GALNT10: variants seen among roughly 807,000 people sequenced by gnomAD.
GALNT10 encodes the protein GalNAc transferase 10.
GALNT10 carries 41 observed loss-of-function variants against 75.0 expected under a neutral mutation model. That is an observed-to-expected ratio of 0.55 (90% confidence interval 0.43 to 0.71). The LOEUF (loss-of-function observed/expected upper bound fraction) is 0.71. Ranked by LOEUF, GALNT10 falls within the 30% of genes least tolerant of loss-of-function variation. The pLI is 0.00. For missense variants in GALNT10, 727 were observed against 818.5 expected, an observed-to-expected ratio of 0.89 and a Z score of 1.36; for synonymous variants, 302 against 313.0, an observed-to-expected ratio of 0.96 and a Z score of 0.37.
chr5:154,260,813 A>G (rs1191903311), intron 1 of GALNT10, among the ~76,000 whole-genome samples: 2 of 152,214 alleles, frequency 1.3e-5, no homozygotes, highest in Admixed American at 6.5e-5. Flanking sequence ...ACGTGAGTCA[A>G]TGCAGCCTCA....
intron 3 of GALNT10, among the ~76,000 whole-genome samples, chr5:154,322,639 T>C (rs1362491519): frequency 6.6e-6 from 1 of 152,194 alleles, no homozygotes; most frequent in Admixed American, 6.5e-5. Context: ...AGGTGGGCAG[T>C]TGTTCTTTCT....
chr5:154,408,838 G>GA (rs1756336551), intron 8 of GALNT10, among the ~76,000 whole-genome samples: 1 of 152,128 alleles, frequency 6.6e-6, no homozygotes, highest in African/African-American at 2.4e-5. Context: ...GCTTAGCGAA[G>GA]AAAGAATATA....
chr5:154,369,489 C>T (rs535485384), intron 4 of GALNT10, among the ~76,000 whole-genome samples: 3 of 152,196 alleles, frequency 2.0e-5, no homozygotes, highest in South Asian at 2.1e-4. Context: ...CAAATCTTGA[C>T]GATGATAAAG....
At chr5:154,212,248 GAC>G (rs1752768537) in intron 1 of GALNT10, among the ~76,000 whole-genome samples, 1 of 152,242 alleles carries the variant, frequency 6.6e-6, no homozygotes, top group African/African-American at 2.4e-5. Flanking sequence ...GGAAGGAACT[GAC>G]ACTGCCTTCA....
chr5:154,304,823 G>T (rs79681204), intron 3 of GALNT10, among the ~76,000 whole-genome samples: 13 of 152,258 alleles, frequency 8.5e-5, no homozygotes, highest in South Asian at 4.2e-4. Flanking sequence ...CTCATAGTAC[G>T]TATGAAGTAT....
intron 2 of GALNT10, among the ~76,000 whole-genome samples, chr5:154,297,727 G>A (rs919410420): frequency 6.6e-6 from 1 of 152,200 alleles, no homozygotes; most frequent in South Asian, 2.1e-4. Flanking sequence ...ACCCCGCAGA[G>A]CTGCTGTGAT....
At chr5:154,267,849 C>T (rs1366927785) in intron 1 of GALNT10, among the ~76,000 whole-genome samples, 1 of 152,092 alleles carries the variant, frequency 6.6e-6, no homozygotes, top group South Asian at 2.1e-4. Context: ...TGGGTATTTT[C>T]CTGCCTCCTC....
At chr5:154,347,396 C>T (rs1755145038) in intron 4 of GALNT10, 2 of 308,670 alleles carry the variant, frequency 6.5e-6, no homozygotes, top group Non-Finnish European at 1.2e-5. Context: ...CAGGATCTTG[C>T]TCTGTCATTC....
intron 1 of GALNT10, among the ~76,000 whole-genome samples, chr5:154,229,785 C>T (rs1340882844): frequency 6.6e-6 from 1 of 152,016 alleles, no homozygotes; most frequent in Non-Finnish European, 1.5e-5. Flanking sequence ...GACAGTCTTA[C>T]TCCTTCCGTA....
intron 1 of GALNT10, among the ~76,000 whole-genome samples, chr5:154,215,964 G>A (rs988025516): frequency 2.0e-5 from 3 of 152,166 alleles, no homozygotes; most frequent in African/African-American, 7.2e-5. Flanking sequence ...TATTTGAAAA[G>A]GTAGAGTTTG....
At chr5:154,210,385 TACACACACACACAC>T (rs35928766) in intron 1 of GALNT10, among the ~76,000 whole-genome samples, 1 of 148,878 alleles carries the variant, frequency 6.7e-6, no homozygotes, top group African/African-American at 2.5e-5. Flanking sequence ...CACACATGCA[TACACACACACACAC>T]ACACACACAC....
At chr5:154,354,530 T>C (rs1271127954) in intron 4 of GALNT10, among the ~76,000 whole-genome samples, 1 of 152,162 alleles carries the variant, frequency 6.6e-6, no homozygotes, top group African/African-American at 2.4e-5. Context: ...TGCTTCCCAT[T>C]GGTCATAGTC....
At chr5:154,356,304 A>T in intron 4 of GALNT10, 1 of 432,970 alleles carries the variant, frequency 2.3e-6, no homozygotes, top group Non-Finnish European at 4.6e-6. Context: ...ATACATAGGG[A>T]ACTCTTAAAA....
At chr5:154,344,058 C>A (rs1755078989) in intron 4 of GALNT10, among the ~76,000 whole-genome samples, 1 of 152,132 alleles carries the variant, frequency 6.6e-6, no homozygotes, top group South Asian at 2.1e-4. Context: ...ATTCATATTA[C>A]ATTAGAATCA....
chr5:154,361,113 T>C (rs1755380026), intron 4 of GALNT10, among the ~76,000 whole-genome samples: 1 of 152,074 alleles, frequency 6.6e-6, no homozygotes, highest in Admixed American at 6.6e-5. Flanking sequence ...TTTTTTCCTA[T>C]CTAGAATGTC....
chr5:154,268,537 ACAT>A, intron 1 of GALNT10, among the ~76,000 whole-genome samples: 1 of 152,338 alleles, frequency 6.6e-6, no homozygotes, highest in East Asian at 1.9e-4. Flanking sequence ...AACAGTGTGC[ACAT>A]CTGAGTAACA....
intron 1 of GALNT10, among the ~76,000 whole-genome samples, chr5:154,226,723 G>A (rs1320615973): frequency 1.3e-5 from 2 of 152,030 alleles, no homozygotes; most frequent in Non-Finnish European, 2.9e-5. Flanking sequence ...ATTCAATTTT[G>A]TAAGTTTTCA....
chr5:154,255,780 G>T (rs2113019929), intron 1 of GALNT10, among the ~76,000 whole-genome samples: 1 of 152,016 alleles, frequency 6.6e-6, no homozygotes, highest in African/African-American at 2.4e-5. Flanking sequence ...GGTTACTAAG[G>T]GGTAGGCCTT....
At chr5:154,327,507 C>T (rs1754772908) in intron 3 of GALNT10, among the ~76,000 whole-genome samples, 1 of 152,188 alleles carries the variant, frequency 6.6e-6, no homozygotes, top group African/African-American at 2.4e-5. Context: ...TGAGAAGACT[C>T]CTTTTGGCTA....
Sources: gnomAD v4.1 joint callset for allele counts (sites outside exome capture counted in the v4.1 genomes callset) on GRCh38, gnomAD v4.1.1 for gene constraint, MANE v1.5 for transcripts, NCBI Gene and HGNC (gene_info 2026-07-23, HGNC 2026-07-21) for gene names.